TET3: variants seen among roughly 807,000 people sequenced by gnomAD.
TET3 encodes the protein tet methylcytosine dioxygenase 3.
TET3 carries 19 observed loss-of-function variants against 141.4 expected under a neutral mutation model. The ratio of observed to expected loss-of-function variants is 0.13; its 90% CI spans 0.09 to 0.20. The LOEUF is 0.20. Ranked by LOEUF, TET3 falls within the 10% of genes least tolerant of loss-of-function variation. The probability of loss-of-function intolerance (pLI) is 1.00; values close to 1 mark genes in which losing one functional copy is unlikely to be tolerated. For synonymous variants in TET3, 1,043 were observed against 980.9 expected, an observed-to-expected ratio of 1.06 and a Z score of -1.18; for missense variants, 1,874 against 2,356.9, an observed-to-expected ratio of 0.80 and a Z score of 4.24.
chr2:73,994,454 C>T (rs988825837), intron 2 of TET3, among the ~76,000 whole-genome samples: 15 of 152,068 alleles, frequency 9.9e-5, no homozygotes, highest in African/African-American at 3.6e-4. Flanking sequence ...GAGGAACTAG[C>T]CCTGAGAGGT....
intron 2 of TET3, among the ~76,000 whole-genome samples, chr2:73,999,357 T>C (rs1684738224): frequency 6.6e-6 from 1 of 152,248 alleles, no homozygotes. Context: ...AAATATTTCC[T>C]GTCTCATTGG....
rs565638204 is a variant in TET3, at chr2:74,106,934, T to G, written c.*4758T>G. On this transcript the variant is annotated 3_prime_UTR_variant, in exon 12 of 12. Coordinates refer to ENST00000409262, the MANE Select transcript of TET3 (RefSeq NM_001287491.2). ...AGGAAGGAGCGTAGTTGGCTGTATT[T>G]CATGTTTAAGTTTTGCTTTTGAATA... 1 of 152,328 alleles carries G rather than the reference T, an allele frequency of 6.6e-6. No homozygotes were observed. The highest frequency in any genetic ancestry group is 2.4e-5 in the African/African-American group (1 of 41,546). 9.4% of individuals were successfully genotyped at this position (152,328 alleles called of 1,614,324 possible).
intron 3 of TET3, among the ~76,000 whole-genome samples, chr2:74,025,026 A>G (rs930578314): frequency 5.9e-5 from 9 of 151,836 alleles, no homozygotes; most frequent in Non-Finnish European, 1.3e-4. Context: ...GATCAAGACC[A>G]TCCTGGCTAA....
chr2:74,019,598 C>A (rs964672577), intron 3 of TET3, among the ~76,000 whole-genome samples: 4 of 152,152 alleles, frequency 2.6e-5, no homozygotes, highest in Non-Finnish European at 5.9e-5. Context: ...GCCTAGCATG[C>A]GGTAAATCCT....
chr2:74,062,203 G>A (rs1042286105), intron 4 of TET3, among the ~76,000 whole-genome samples: 3 of 152,216 alleles, frequency 2.0e-5, no homozygotes, highest in Admixed American at 1.3e-4. Flanking sequence ...CGGATCACTC[G>A]CGGTTAGGAG....
At chr2:74,073,814 C>G in intron 5 of TET3, 175 bp downstream of exon 5, 1 of 527,894 alleles carries the variant, frequency 1.9e-6, no homozygotes, top group Non-Finnish European at 3.3e-6. Context: ...TTCTGGGTTT[C>G]TTTCATTCTG....
chr2:74,057,926 G>A (rs1211635312), intron 4 of TET3, among the ~76,000 whole-genome samples: 4 of 152,104 alleles, frequency 2.6e-5, no homozygotes, highest in Admixed American at 2.6e-4. Context: ...AAGCTTAGTT[G>A]CAAACAAATA....
downstream of TET3, among the ~76,000 whole-genome samples, chr2:74,112,566 C>A (rs536436349): frequency 1.1e-4 from 17 of 152,090 alleles, no homozygotes; most frequent in East Asian, 3.1e-3. Context: ...ACATAAAAAA[C>A]AATATGCAGA....
chr2:74,063,284 A>C (rs138485162), intron 4 of TET3, among the ~76,000 whole-genome samples: 2,660 of 152,098 alleles, frequency 0.017, 29 homozygotes, highest in Non-Finnish European at 0.025. Flanking sequence ...AGGTGTCACT[A>C]GGTTAAGGTG....
chr2:74,060,667 T>A (rs1294966067), intron 4 of TET3, among the ~76,000 whole-genome samples: 2 of 152,142 alleles, frequency 1.3e-5, no homozygotes, highest in African/African-American at 4.8e-5. Flanking sequence ...CAGAGGACCC[T>A]GCGGCCTTCC....
At chr2:74,094,578 G>A (rs1421651344) in intron 10 of TET3, among the ~76,000 whole-genome samples, 1 of 152,170 alleles carries the variant, frequency 6.6e-6, no homozygotes, top group Admixed American at 6.5e-5. Flanking sequence ...AGAGTGAGGT[G>A]AACGGGAGGG....
At chr2:74,015,945 T>G (rs1685701888) in intron 3 of TET3, among the ~76,000 whole-genome samples, 1 of 152,242 alleles carries the variant, frequency 6.6e-6, no homozygotes, top group Admixed American at 6.5e-5. Flanking sequence ...TTTGCATTTA[T>G]TCTGTGTATT....
intron 2 of TET3, among the ~76,000 whole-genome samples, chr2:73,987,307 G>A (rs1446309466): frequency 6.6e-6 from 1 of 152,178 alleles, no homozygotes. Flanking sequence ...TCCTTGGCAG[G>A]TAGTAGGCAC....
At chr2:74,097,194 T>C (rs867362857) in intron 10 of TET3, among the ~76,000 whole-genome samples, 3 of 59,992 alleles carry the variant, frequency 5.0e-5, no homozygotes, top group Non-Finnish European at 1.3e-4. Context: ...TAGCCATACA[T>C]GCACACACAC....
intron 6 of TET3, among the ~76,000 whole-genome samples, chr2:74,086,207 T>C (rs758265203): frequency 6.6e-6 from 1 of 152,208 alleles, no homozygotes; most frequent in Non-Finnish European, 1.5e-5. Context: ...TATCTGGTCA[T>C]GGAATTATCT....
chr2:74,087,272 G>A lies in TET3; in HGVS notation c.2680-558G>A, dbSNP rs1307859545. On this transcript the variant is annotated intron_variant, in intron 6 of 11. Coordinates refer to ENST00000409262, the MANE Select transcript of TET3 (RefSeq NM_001287491.2). The surrounding 1 kb of genome is among the most constrained non-coding windows in gnomAD (Gnocchi z 4.3). Reference sequence around the variant, plus strand: ...TTTGGCTGTTGTGAATAGTGCTGCAGTGAACGTGGGTATTCAGGGATCTGC... The same window carrying A: ...TTTGGCTGTTGTGAATAGTGCTGCAATGAACGTGGGTATTCAGGGATCTGC... 6.6e-6 allele frequency among the ~76,000 whole-genome samples: 1 copy of A among 152,192 alleles called. No individual in the cohort carries two copies. Among genetic ancestry groups the A allele is most frequent in the Non-Finnish European group, 1.5e-5 (1 of 68,038 alleles).
At chr2:74,132,447 A>G in the TET3 span, among the ~76,000 whole-genome samples, 1 of 152,334 alleles carries the variant, frequency 6.6e-6, no homozygotes, top group Non-Finnish European at 1.5e-5. Flanking sequence ...GAGTGCAATG[A>G]CACAATCACA....
intron 3 of TET3, among the ~76,000 whole-genome samples, chr2:74,028,087 G>C (rs1015912441): frequency 1.3e-5 from 2 of 151,866 alleles, no homozygotes; most frequent in Non-Finnish European, 2.9e-5. Flanking sequence ...GGGCTCAGGG[G>C]ATCCTCCTGC....
chr2:74,091,374 C>T (rs1157279608), intron 8 of TET3, among the ~76,000 whole-genome samples: 1 of 152,250 alleles, frequency 6.6e-6, no homozygotes, highest in African/African-American at 2.4e-5. Context: ...CCAAGCCCCT[C>T]ATAGGTTTCT....
Sources: gnomAD v4.1 joint callset for allele counts (sites outside exome capture counted in the v4.1 genomes callset) on GRCh38, gnomAD v4.1.1 for gene constraint, Gnocchi (gnomAD v3.1) non-coding constraint, MANE v1.5 for transcripts, NCBI Gene and HGNC (gene_info 2026-07-23, HGNC 2026-07-21) for gene names.